The following REDIC1 variants were observed in gnomAD, a reference collection of about 807,000 sequenced individuals.
REDIC1 encodes the protein HEI10 Interacting Protein 1.
At chr12:39,702,537 C>T in the REDIC1 span, among the ~76,000 whole-genome samples, 2 of 152,076 alleles carry the variant, frequency 1.3e-5, no homozygotes, top group African/African-American at 4.8e-5. Context: ...CCTTCTGAAA[C>T]TATTCCAATC....
the REDIC1 span, among the ~76,000 whole-genome samples, chr12:39,667,692 T>C: frequency 2.0e-5 from 3 of 152,188 alleles, no homozygotes; most frequent in African/African-American, 7.2e-5. Context: ...TATTAATGTG[T>C]GGGAGTCTAA....
At chr12:39,704,323 G>A in the REDIC1 span, among the ~76,000 whole-genome samples, 1 of 152,128 alleles carries the variant, frequency 6.6e-6, no homozygotes, top group African/African-American at 2.4e-5. Context: ...ATGAAAAAAT[G>A]CTCACCATCA....
chr12:39,807,672 TTC>T, the REDIC1 span, among the ~76,000 whole-genome samples: 1 of 152,172 alleles, frequency 6.6e-6, no homozygotes, highest in East Asian at 1.9e-4. Flanking sequence ...GTTTTTCTAT[TTC>T]TTTTTGTGTT....
At chr12:39,693,132 C>T in the REDIC1 span, among the ~76,000 whole-genome samples, 1 of 151,982 alleles carries the variant, frequency 6.6e-6, no homozygotes, top group South Asian at 2.1e-4. Context: ...GTCTATATCT[C>T]CTATGTATAT....
At chr12:39,644,258 C>G in the REDIC1 span, among the ~76,000 whole-genome samples, 1 of 151,672 alleles carries the variant, frequency 6.6e-6, no homozygotes, top group Non-Finnish European at 1.5e-5. Context: ...AACAAATTAA[C>G]TATTCTTTAC....
At chr12:39,758,307 T>TC in the REDIC1 span, 1 of 151,918 alleles carries the variant, frequency 6.6e-6, no homozygotes, top group East Asian at 1.9e-4. Context: ...AGAATGAACT[T>TC]CCTCAGCTGT....
chr12:39,726,800 T>C, the REDIC1 span, among the ~76,000 whole-genome samples: 1 of 152,196 alleles, frequency 6.6e-6, no homozygotes, highest in Non-Finnish European at 1.5e-5. Context: ...AGCATTCCTA[T>C]TTCTCCATAT....
At chr12:39,885,192 A>G in the REDIC1 span, among the ~76,000 whole-genome samples, 3 of 152,226 alleles carry the variant, frequency 2.0e-5, no homozygotes, top group Non-Finnish European at 4.4e-5. Context: ...CTGGAGGAAC[A>G]GGAGCTAGGA....
chr12:39,778,852 TAGG>T, the REDIC1 span, among the ~76,000 whole-genome samples: 6 of 152,146 alleles, frequency 3.9e-5, no homozygotes, highest in Non-Finnish European at 8.8e-5. Context: ...TATAGGGGTA[TAGG>T]AGGAGTTTAA....
the REDIC1 span, among the ~76,000 whole-genome samples, chr12:39,807,550 T>A: frequency 6.6e-6 from 1 of 152,236 alleles, no homozygotes; most frequent in East Asian, 1.9e-4. Context: ...AGGGTGGCTA[T>A]AAGACTTGAT....
chr12:39,705,479 C>T, the REDIC1 span, among the ~76,000 whole-genome samples: 1 of 152,060 alleles, frequency 6.6e-6, no homozygotes, highest in African/African-American at 2.4e-5. Context: ...ATGTATTAAC[C>T]TGATACCAAA....
the REDIC1 span, chr12:39,683,240 A>T: frequency 3.2e-6 from 4 of 1,257,184 alleles, no homozygotes; most frequent in South Asian, 3.0e-5. Context: ...ATATATTTGT[A>T]TGTGTGTTTA....
the REDIC1 span, chr12:39,758,878 A>T: frequency 6.6e-6 from 1 of 152,030 alleles, no homozygotes; most frequent in East Asian, 1.9e-4. Flanking sequence ...AAAAAAGACA[A>T]GTACAATTAA....
the REDIC1 span, among the ~76,000 whole-genome samples, chr12:39,688,981 A>G: frequency 6.6e-6 from 1 of 152,170 alleles, no homozygotes; most frequent in East Asian, 1.9e-4. Flanking sequence ...TTTTTGTAGA[A>G]TGTACCCTTT....
At chr12:39,782,870 T>A in the REDIC1 span, among the ~76,000 whole-genome samples, 1 of 152,158 alleles carries the variant, frequency 6.6e-6, no homozygotes, top group East Asian at 1.9e-4. Flanking sequence ...TTGTTATTTT[T>A]ATTATTATTA....
chr12:39,751,818 C>T, the REDIC1 span, among the ~76,000 whole-genome samples: 9 of 152,136 alleles, frequency 5.9e-5, no homozygotes, highest in Admixed American at 2.0e-4. Context: ...AACCAAACAC[C>T]GCATGTTCTC....
the REDIC1 span, among the ~76,000 whole-genome samples, chr12:39,662,927 T>C: frequency 6.6e-6 from 1 of 152,274 alleles, no homozygotes; most frequent in African/African-American, 2.4e-5. Context: ...TTATATCACA[T>C]TGATTGATTT....
chr12:39,775,206 C>A, the REDIC1 span, among the ~76,000 whole-genome samples: 1 of 152,162 alleles, frequency 6.6e-6, no homozygotes, highest in African/African-American at 2.4e-5. Context: ...TAAGGTACAA[C>A]TGAATAAAAA....
chr12:39,687,307 T>A, the REDIC1 span, among the ~76,000 whole-genome samples: 1 of 152,194 alleles, frequency 6.6e-6, no homozygotes, highest in African/African-American at 2.4e-5. Context: ...TACTTGAGAC[T>A]GGGTAATTTA....
Sources: gnomAD v4.1 joint callset for allele counts (sites outside exome capture counted in the v4.1 genomes callset) on GRCh38, gnomAD v4.1.1 for gene constraint, MANE v1.5 for transcripts, NCBI Gene and HGNC (gene_info 2026-07-23, HGNC 2026-07-21) for gene names.